The following PTPRK variants were observed in gnomAD, a reference collection of about 807,000 sequenced individuals.
PTPRK encodes the protein protein tyrosine phosphatase receptor type K.
PTPRK carries 75 observed loss-of-function variants against 178.0 expected under a neutral mutation model. The observed-to-expected ratio is 0.42, with a 90% CI of 0.35 to 0.51. PTPRK has a LOEUF of 0.51. Ranked by LOEUF, PTPRK falls within the 20% of genes least tolerant of loss-of-function variation. The pLI, the probability that PTPRK is intolerant of heterozygous loss-of-function variation, is 0.02. For synonymous variants in PTPRK, 637 were observed against 620.6 expected (o/e 1.03, Z -0.39); for missense variants, 1,441 against 1,797.8 (o/e 0.80, Z 3.59).
chr6:128,456,585 A>T (rs1275155107), intron 1 of PTPRK, among the ~76,000 whole-genome samples: 1 of 152,118 alleles, frequency 6.6e-6, no homozygotes, highest in Non-Finnish European at 1.5e-5. Flanking sequence ...GGAAGATAAG[A>T]TAACTATAAT....
intron 1 of PTPRK, among the ~76,000 whole-genome samples, chr6:128,480,510 A>T (rs769039072): frequency 7.9e-5 from 12 of 152,254 alleles, no homozygotes; most frequent in East Asian, 3.9e-4. Context: ...TTCAATTTTA[A>T]ATGTGGTTCC....
chr6:128,435,035 AGGC>A (rs1845338111), intron 1 of PTPRK, among the ~76,000 whole-genome samples: 1 of 102,162 alleles, frequency 9.8e-6, no homozygotes, highest in African/African-American at 4.8e-5. Context: ...TAAGACAGGA[AGGC>A]AGGAAGGCAG....
chr6:127,983,425 C>T, intron 22 of PTPRK, 48 bp from the exon 23 acceptor site: 1 of 1,589,706 alleles, frequency 6.3e-7, no homozygotes, highest in Non-Finnish European at 8.6e-7. Flanking sequence ...TGTTAGTCTT[C>T]ATAACCTTAA....
intron 1 of PTPRK, among the ~76,000 whole-genome samples, chr6:128,514,256 A>C (rs1857596915): frequency 6.6e-6 from 1 of 152,108 alleles, no homozygotes; most frequent in South Asian, 2.1e-4. Context: ...GTAGTGATCT[A>C]TTTTCACTAC....
At chr6:128,010,781 C>G (rs1191512832) in intron 13 of PTPRK, among the ~76,000 whole-genome samples, 1 of 151,130 alleles carries the variant, frequency 6.6e-6, no homozygotes, top group African/African-American at 2.4e-5. Context: ...AAAAACTTCT[C>G]CATAGACTAG....
intron 21 of PTPRK, among the ~76,000 whole-genome samples, chr6:127,987,631 G>A (rs1304321566): frequency 2.0e-5 from 3 of 151,794 alleles, no homozygotes; most frequent in African/African-American, 4.8e-5. Flanking sequence ...ACTTTTCTTG[G>A]TATAAATCCT....
At chr6:128,113,496 T>C (rs764031922) in intron 7 of PTPRK, among the ~76,000 whole-genome samples, 28 of 151,676 alleles carry the variant, frequency 1.8e-4, no homozygotes, top group Admixed American at 9.2e-4. Flanking sequence ...AATTAAAAAA[T>C]ACAAATAAAA....
chr6:128,345,821 T>C (rs867226102), intron 2 of PTPRK, among the ~76,000 whole-genome samples: 48 of 152,200 alleles, frequency 3.2e-4, no homozygotes, highest in African/African-American at 1.2e-3. Flanking sequence ...TTACCTGTTA[T>C]ACCAAAGGCT....
At chr6:128,489,842 T>C (rs1406758450) in intron 1 of PTPRK, among the ~76,000 whole-genome samples, 6 of 152,204 alleles carry the variant, frequency 3.9e-5, no homozygotes, top group Non-Finnish European at 8.8e-5. Flanking sequence ...CTAATGTAGA[T>C]ATGTATGCAG....
At chr6:128,192,727 G>A (rs185418216) in intron 6 of PTPRK, among the ~76,000 whole-genome samples, 1 of 151,664 alleles carries the variant, frequency 6.6e-6, no homozygotes, top group Admixed American at 6.6e-5. Context: ...GAGATGGGAA[G>A]ATCACCTGAG....
chr6:128,319,805 T>A (rs918184652), intron 3 of PTPRK, among the ~76,000 whole-genome samples: 11 of 152,200 alleles, frequency 7.2e-5, no homozygotes, highest in Admixed American at 1.3e-4. Context: ...ATATAGTTTA[T>A]GTTATGTTGG....
At chr6:128,445,288 G>A (rs1846854676) in intron 1 of PTPRK, among the ~76,000 whole-genome samples, 2 of 126,520 alleles carry the variant, frequency 1.6e-5, no homozygotes, top group Non-Finnish European at 3.4e-5. Context: ...ATATATAATA[G>A]TATATTATAT....
chr6:128,351,744 A>C (rs1218150852), intron 2 of PTPRK, among the ~76,000 whole-genome samples: 1 of 152,188 alleles, frequency 6.6e-6, no homozygotes, highest in Non-Finnish European at 1.5e-5. Context: ...TATCATAGTC[A>C]AAATGACAAA....
At chr6:128,518,991 T>A in intron 1 of PTPRK, 1 of 504,820 alleles carries the variant, frequency 2.0e-6, no homozygotes, top group Non-Finnish European at 4.1e-6. Flanking sequence ...TGAGAAACTG[T>A]CAGGTACAAA....
At chr6:128,232,539 A>C (rs1373365299) in intron 5 of PTPRK, among the ~76,000 whole-genome samples, 1 of 152,232 alleles carries the variant, frequency 6.6e-6, no homozygotes, top group Non-Finnish European at 1.5e-5. Flanking sequence ...ACAATTACAA[A>C]GTTCTCCCTT....
intron 3 of PTPRK, among the ~76,000 whole-genome samples, chr6:128,253,362 T>C (rs1816793817): frequency 5.9e-5 from 9 of 152,130 alleles, no homozygotes. Flanking sequence ...CCATAAAAGA[T>C]TTGGTATAAA....
chr6:128,042,797 TTATC>T (rs1343192863), intron 13 of PTPRK, among the ~76,000 whole-genome samples: 2 of 152,062 alleles, frequency 1.3e-5, no homozygotes, highest in African/African-American at 4.8e-5. Context: ...TACAAATAAC[TTATC>T]TATTTGATAA....
rs1272424960 is a variant in PTPRK at position 127,991,366 on chromosome 6, ATCATACAC to A, written c.2899_2906del (p.Val967PhefsTer21). On this transcript the variant is annotated frameshift_variant, in exon 20 of 30. Coordinates refer to ENST00000368226, the MANE Select transcript of PTPRK (RefSeq NM_002844.4). LOFTEE classifies it high-confidence loss of function. ...GTTCTTGCCAAATCATCCTCCAGAA[ATCATACAC>A]TGTTTCATGAACGGGACCTACAAAG... The A allele has an allele frequency of 6.3e-7, 1 of 1,599,042 alleles. No homozygotes were observed. Among genetic ancestry groups the A allele is most frequent in the Non-Finnish European group, 8.5e-7 (1 of 1,173,158 alleles).
At chr6:128,085,407 T>G (rs2115010024) in intron 8 of PTPRK, among the ~76,000 whole-genome samples, 1 of 152,332 alleles carries the variant, frequency 6.6e-6, no homozygotes, top group Non-Finnish European at 1.5e-5. Flanking sequence ...TGACATACAC[T>G]TATGATTATA....
Sources: gnomAD v4.1 joint callset for allele counts (sites outside exome capture counted in the v4.1 genomes callset) on GRCh38, gnomAD v4.1.1 for gene constraint, MANE v1.5 for transcripts, NCBI Gene and HGNC (gene_info 2026-07-23, HGNC 2026-07-21) for gene names.